The following CCM2 variants were observed in gnomAD, a reference collection of about 807,000 sequenced individuals.
CCM2 encodes CCM2 scaffold protein, also known as cerebral cavernous malformations 2 protein.
In CCM2, 25 loss-of-function variants were observed where a neutral mutation model predicts 44.9. The ratio of observed to expected loss-of-function variants is 0.56; its 90% CI spans 0.41 to 0.78. The LOEUF (loss-of-function observed/expected upper bound fraction) is 0.78. Ranked by LOEUF, CCM2 falls within the 30% of genes least tolerant of loss-of-function variation. The pLI, the probability that CCM2 is intolerant of heterozygous loss-of-function variation, is 0.00. For synonymous variants in CCM2, 219 were observed against 241.1 expected, an observed-to-expected ratio of 0.91 and a Z score of 0.85; for missense variants, 481 against 580.6, an observed-to-expected ratio of 0.83 and a Z score of 1.76.
At chr7:45,072,220 T>C (rs758731910) in intron 6 of CCM2, 6 of 328,158 alleles carry the variant, frequency 1.8e-5, no homozygotes, top group Non-Finnish European at 3.0e-5. Flanking sequence ...CCTTTGCTGG[T>C]CTGAGGGTCT....
chr7:45,072,322 G>A lies in CCM2; in HGVS notation c.746-404G>A, dbSNP rs142976805. The A allele has an allele frequency of 2.7e-3, 945 of 352,398 alleles. 1 individual carries two copies. Among genetic ancestry groups the A allele is most frequent in the Non-Finnish European group, 4.2e-3 (750 of 180,126 alleles). 21.8% of individuals were successfully genotyped at this position (352,398 alleles called of 1,614,324 possible). ...TGCTGTGTGACCTGGGCCAAGTTGT[G>A]TAACTCTCTGACTTACTTCCTAATC... On this transcript the variant is annotated intron_variant, in intron 6 of 9. Transcript: ENST00000258781.
At chr7:45,075,693 G>A (rs1274043433) in intron 9 of CCM2, 84 bp from the exon 10 acceptor site, 3 of 1,575,834 alleles carry the variant, frequency 1.9e-6, no homozygotes, top group Non-Finnish European at 2.6e-6. Context: ...CTGTGGCCCT[G>A]TCAGGGGGCT....
chr7:45,028,050 TTCATCCATCTTGAC>T (rs1233922085), intron 1 of CCM2, among the ~76,000 whole-genome samples: 1 of 152,188 alleles, frequency 6.6e-6, no homozygotes, highest in Admixed American at 6.5e-5. Context: ...GGTTGTTGGA[TTCATCCATCTTGAC>T]TCAAGGAAGA....
At chr7:45,005,038 A>G (rs1795792067) in intron 1 of CCM2, among the ~76,000 whole-genome samples, 1 of 149,758 alleles carries the variant, frequency 6.7e-6, no homozygotes, top group Non-Finnish European at 1.5e-5. Context: ...CACTAAACCG[A>G]TTCTATAACT....
intron 2 of CCM2, among the ~76,000 whole-genome samples, chr7:45,060,272 G>T (rs1798460605): frequency 1.3e-5 from 2 of 152,206 alleles, no homozygotes; most frequent in African/African-American, 2.4e-5. Context: ...TTCCTGAAGA[G>T]AAATCCAGTG....
chr7:45,002,792 A>G (rs1348549873), intron 1 of CCM2, among the ~76,000 whole-genome samples: 1 of 151,872 alleles, frequency 6.6e-6, no homozygotes, highest in African/African-American at 2.4e-5. Context: ...GTCCCATGAA[A>G]CTCACTGGGT....
chr7:45,039,212 G>A (rs1430478609), intron 2 of CCM2, among the ~76,000 whole-genome samples: 3 of 152,210 alleles, frequency 2.0e-5, no homozygotes, highest in Non-Finnish European at 2.9e-5. Flanking sequence ...CTTTGGACGT[G>A]CAGAAACCTG....
chr7:45,002,632 G>A (rs1795687220), intron 1 of CCM2, among the ~76,000 whole-genome samples: 1 of 152,086 alleles, frequency 6.6e-6, no homozygotes, highest in Non-Finnish European at 1.5e-5. Flanking sequence ...AGAACCTATG[G>A]ACCAAAGTGA....
intron 1 of CCM2, among the ~76,000 whole-genome samples, chr7:45,019,623 C>G (rs929397768): frequency 6.6e-6 from 1 of 152,022 alleles, no homozygotes; most frequent in Admixed American, 6.6e-5. Context: ...TGCTCTGTTA[C>G]CCAGGTTAGA....
chr7:45,042,265 C>CAAAAAAAAAAAAAAAAAAAAA (rs71565940), intron 2 of CCM2, among the ~76,000 whole-genome samples: 2 of 102,408 alleles, frequency 2.0e-5, no homozygotes, highest in East Asian at 2.7e-4. Context: ...GATTCCATCT[C>CAAAAAAAAAAAAAAAAAAAAA]AAAAAAAAAA....
At chr7:45,038,884 A>T (rs937869817) in intron 2 of CCM2, among the ~76,000 whole-genome samples, 1 of 152,248 alleles carries the variant, frequency 6.6e-6, no homozygotes, top group Non-Finnish European at 1.5e-5. Context: ...TGCATAAACC[A>T]TGTGACGTGC....
chr7:45,010,489 C>T (rs1231358554), intron 1 of CCM2, among the ~76,000 whole-genome samples: 1 of 152,084 alleles, frequency 6.6e-6, no homozygotes, highest in Non-Finnish European at 1.5e-5. Context: ...TGAGATTTAT[C>T]CATATATTGC....
chr7:45,035,577 TCAAGGGAAGACTATTCCAGGTCGGG>T (rs1450693374), intron 1 of CCM2, among the ~76,000 whole-genome samples: 3 of 152,092 alleles, frequency 2.0e-5, no homozygotes, highest in Non-Finnish European at 4.4e-5. Flanking sequence ...CCACTCTGGG[TCAAGGGAAGACTATTCCAGGTCGGG>T]CAAGGGGAGC....
intron 2 of CCM2, among the ~76,000 whole-genome samples, chr7:45,047,744 G>T (rs1387970531): frequency 6.6e-6 from 1 of 152,186 alleles, no homozygotes. Flanking sequence ...AACAGGAGGG[G>T]TCCTCACAGT....
chr7:45,026,050 T>C (rs1294960), intron 1 of CCM2, among the ~76,000 whole-genome samples: 131,896 of 152,168 alleles, frequency 0.87, 57,466 homozygotes, highest in African/African-American at 0.96. Context: ...TTTTTAGTCA[T>C]GTCTATTTCC....
intron 1 of CCM2, among the ~76,000 whole-genome samples, chr7:45,028,329 A>G (rs1796785546): frequency 6.6e-6 from 1 of 152,146 alleles, no homozygotes; most frequent in South Asian, 2.1e-4. Flanking sequence ...TGAAGCAAAC[A>G]GGCGGTAGTG....
chr7:45,068,283 A>C, intron 4 of CCM2, 160 bp from the exon 5 acceptor site: 2 of 859,462 alleles, frequency 2.3e-6, no homozygotes, highest in South Asian at 2.8e-5. Context: ...AGAGAAGCGA[A>C]GTGTGTCTGG....
At chr7:45,019,905 C>T (rs928636474) in intron 1 of CCM2, among the ~76,000 whole-genome samples, 1 of 152,194 alleles carries the variant, frequency 6.6e-6, no homozygotes, top group Admixed American at 6.5e-5. Context: ...TTCAAGCTAT[C>T]GTGTCCTTTC....
intron 4 of CCM2, 25 bp from the exon 5 acceptor site, chr7:45,068,418 A>T (rs1466455959): frequency 6.2e-7 from 1 of 1,613,938 alleles, no homozygotes; most frequent in Admixed American, 1.7e-5. Context: ...CACTGTGCTA[A>T]ACTGAGATGG....
Sources: gnomAD v4.1 joint callset for allele counts (sites outside exome capture counted in the v4.1 genomes callset) on GRCh38, gnomAD v4.1.1 for gene constraint, MANE v1.5 for transcripts, NCBI Gene and HGNC (gene_info 2026-07-23, HGNC 2026-07-21) for gene names.